Variants in ARHGAP26 observed in about 807,000 individuals in gnomAD.
ARHGAP26 encodes the protein Rho GTPase activating protein 26, also known as rho GTPase-activating protein 26.
In ARHGAP26, 38 loss-of-function variants were observed where a neutral mutation model predicts 104.8. The observed-to-expected ratio is 0.36, with a 90% CI of 0.28 to 0.48. The LOEUF (loss-of-function observed/expected upper bound fraction) is 0.48, where lower values mean the gene tolerates loss of function less well. Ranked by LOEUF, ARHGAP26 falls within the 20% of genes least tolerant of loss-of-function variation. ARHGAP26 has a pLI of 0.99. For synonymous variants in ARHGAP26, 341 were observed against 340.0 expected (o/e 1.00, Z -0.03); for missense variants, 704 against 947.9 (o/e 0.74, Z 3.38).
chr5:143,183,073 CAAAA>C (rs70991799), intron 20 of ARHGAP26, among the ~76,000 whole-genome samples: 3 of 89,956 alleles, frequency 3.3e-5, no homozygotes, highest in Non-Finnish European at 4.7e-5. Context: ...TGAAAAGTGG[CAAAA>C]AAAAAAAAAA....
At chr5:143,193,350 C>T (rs374815155) in intron 20 of ARHGAP26, among the ~76,000 whole-genome samples, 17 of 146,970 alleles carry the variant, frequency 1.2e-4, no homozygotes, top group Middle Eastern at 3.5e-3. Context: ...CAGGTTCAAG[C>T]GATTCTCCTG....
intron 11 of ARHGAP26, among the ~76,000 whole-genome samples, chr5:142,943,606 A>AT (rs59134351): frequency 1.3e-5 from 2 of 152,142 alleles, no homozygotes; most frequent in Admixed American, 6.5e-5. Context: ...AACACATGAA[A>AT]TTTTTTGGGG....
intron 5 of ARHGAP26, among the ~76,000 whole-genome samples, chr5:142,890,148 AAAAATATAT>A (rs1452634644): frequency 4.8e-5 from 4 of 83,264 alleles, no homozygotes; most frequent in South Asian, 4.2e-4. Flanking sequence ...AAAAAAAAAA[AAAAATATAT>A]ATATATATAT....
intron 3 of ARHGAP26, 125 bp downstream of exon 3, chr5:142,875,296 C>T: frequency 1.1e-6 from 1 of 901,742 alleles, no homozygotes; most frequent in Non-Finnish European, 1.8e-6. Context: ...AGCTCTTCAG[C>T]AAGCCTCATC....
chr5:143,165,964 T>C (rs1013039999), intron 20 of ARHGAP26: 1 of 1,209,298 alleles, frequency 8.3e-7, no homozygotes, highest in Non-Finnish European at 1.1e-6. Flanking sequence ...GGCTTCTGGC[T>C]CATAATCAGG....
chr5:143,160,111 G>C (rs544035928), intron 20 of ARHGAP26, among the ~76,000 whole-genome samples: 16 of 149,572 alleles, frequency 1.1e-4, no homozygotes, highest in African/African-American at 3.9e-4. Context: ...CCAGGCTGGA[G>C]TGCAGTGGTG....
At chr5:142,922,205 TCTAGCTTG>T (rs1763288528) in intron 10 of ARHGAP26, 1 of 152,232 alleles carries the variant, frequency 6.6e-6, no homozygotes, top group Non-Finnish European at 1.5e-5. Flanking sequence ...TATTGTTTCT[TCTAGCTTG>T]CTAAGAGGTG....
intron 20 of ARHGAP26, among the ~76,000 whole-genome samples, chr5:143,193,303 A>G (rs1323881023): frequency 7.6e-6 from 1 of 131,092 alleles, no homozygotes; most frequent in South Asian, 2.3e-4. Context: ...GCTGGAGTGC[A>G]GTGGCACGAT....
intron 11 of ARHGAP26, among the ~76,000 whole-genome samples, chr5:142,957,096 T>C (rs904842741): frequency 6.6e-6 from 1 of 152,132 alleles, no homozygotes; most frequent in African/African-American, 2.4e-5. Flanking sequence ...GAACACTTAA[T>C]GAAGAGAAAA....
intron 18 of ARHGAP26, among the ~76,000 whole-genome samples, chr5:143,124,547 T>C (rs915565049): frequency 6.6e-6 from 1 of 152,196 alleles, no homozygotes; most frequent in Non-Finnish European, 1.5e-5. Context: ...TACTAGGTGT[T>C]GACCAGAATG....
At chr5:142,953,602 C>G (rs906117379) in intron 11 of ARHGAP26, among the ~76,000 whole-genome samples, 1 of 152,194 alleles carries the variant, frequency 6.6e-6, no homozygotes, top group Non-Finnish European at 1.5e-5. Context: ...CCCTGGAGAA[C>G]ACTGCCTGTT....
chr5:142,908,998 A>T (rs1562060437), intron 9 of ARHGAP26: 1 of 161,324 alleles, frequency 6.2e-6, no homozygotes, highest in Non-Finnish European at 1.5e-5. Context: ...ACATTTCATT[A>T]TGATAGCCCT....
At chr5:143,049,329 A>T (rs1199652545) in intron 14 of ARHGAP26, among the ~76,000 whole-genome samples, 1 of 152,046 alleles carries the variant, frequency 6.6e-6, no homozygotes, top group East Asian at 1.9e-4. Flanking sequence ...GTTGATTGTG[A>T]TTATTATTTT....
At chr5:143,117,366 C>T (rs1005274972) in intron 17 of ARHGAP26, among the ~76,000 whole-genome samples, 1 of 152,154 alleles carries the variant, frequency 6.6e-6, no homozygotes, top group African/African-American at 2.4e-5. Context: ...CAGAGGCTGA[C>T]GTCTAGGCCT....
At chr5:143,134,259 TGA>T (rs1328818340) in intron 19 of ARHGAP26, among the ~76,000 whole-genome samples, 154 bp downstream of exon 19, 5 of 152,298 alleles carry the variant, frequency 3.3e-5, no homozygotes, top group Non-Finnish European at 7.4e-5. Flanking sequence ...GTGCCTTTGC[TGA>T]GTAACCCTGA....
At chr5:143,202,069 A>G (rs1807826413) in intron 20 of ARHGAP26, among the ~76,000 whole-genome samples, 1 of 152,174 alleles carries the variant, frequency 6.6e-6, no homozygotes, top group African/African-American at 2.4e-5. Flanking sequence ...GTAAGTCTCT[A>G]AGAACTTGCT....
At chr5:142,800,085 C>T (rs1302888305) in intron 1 of ARHGAP26, among the ~76,000 whole-genome samples, 1 of 152,246 alleles carries the variant, frequency 6.6e-6, no homozygotes, top group African/African-American at 2.4e-5. Context: ...GAGAGCCATA[C>T]TTCCCATTGT....
chr5:143,039,545 TAAAAG>T (rs1179510193), intron 13 of ARHGAP26, among the ~76,000 whole-genome samples: 7 of 151,824 alleles, frequency 4.6e-5, no homozygotes, highest in Admixed American at 4.6e-4. Flanking sequence ...TTTTTAAATT[TAAAAG>T]AAAAGACCGA....
At chr5:142,944,361 C>T (rs920966508) in intron 11 of ARHGAP26, among the ~76,000 whole-genome samples, 7 of 152,144 alleles carry the variant, frequency 4.6e-5, no homozygotes, top group African/African-American at 1.7e-4. Flanking sequence ...ATGAACTTCA[C>T]TGTTTACTGT....
Sources: allele counts gnomAD v4.1 joint callset (sites outside exome capture counted in the v4.1 genomes callset), GRCh38; gene constraint gnomAD v4.1.1; transcripts MANE v1.5; gene names NCBI Gene and HGNC (gene_info 2026-07-23, HGNC 2026-07-21).